The following PRIM2 variants were observed in gnomAD, a reference collection of about 807,000 sequenced individuals.
PRIM2 encodes DNA primase large subunit.
PRIM2 carries 39 observed loss-of-function variants against 67.3 expected under a neutral mutation model. That is an observed-to-expected ratio of 0.58 (90% CI 0.45 to 0.76). The LOEUF (loss-of-function observed/expected upper bound fraction) is 0.76, where lower values mean the gene tolerates loss of function less well. PRIM2 is among the 30% of genes least tolerant of loss of function. PRIM2 has a pLI of 0.00. For synonymous variants in PRIM2, 143 were observed against 198.7 expected (o/e 0.72, Z 2.36); for missense variants, 398 against 598.7 (o/e 0.66, Z 3.50).
At chr6:57,419,741 G>A (rs1265385064) in intron 7 of PRIM2, among the ~76,000 whole-genome samples, 7 of 151,870 alleles carry the variant, frequency 4.6e-5, no homozygotes, top group South Asian at 2.1e-4. Flanking sequence ...TTTAACCCTC[G>A]GTTTTTGAAT....
intron 8 of PRIM2, among the ~76,000 whole-genome samples, chr6:57,519,353 G>A (rs1774559641): frequency 1.3e-5 from 2 of 152,204 alleles, no homozygotes; most frequent in Admixed American, 1.3e-4. Flanking sequence ...ATGGGAGACT[G>A]GGGTCTATTT....
chr6:57,466,925 A>G (rs1350018462), intron 7 of PRIM2, among the ~76,000 whole-genome samples: 3 of 152,078 alleles, frequency 2.0e-5, no homozygotes, highest in African/African-American at 4.8e-5. Flanking sequence ...TTAAGAGACC[A>G]GCCTGACCAA....
At chr6:57,392,843 G>GC (rs1770399622) in intron 7 of PRIM2, among the ~76,000 whole-genome samples, 1 of 151,886 alleles carries the variant, frequency 6.6e-6, no homozygotes, top group Non-Finnish European at 1.5e-5. Flanking sequence ...TCATTCTTAT[G>GC]CCTTACATCC....
intron 8 of PRIM2, among the ~76,000 whole-genome samples, chr6:57,510,335 T>C (rs1459534632): frequency 2.6e-5 from 4 of 152,174 alleles, no homozygotes; most frequent in Non-Finnish European, 4.4e-5. Flanking sequence ...AATCATACTG[T>C]CAAAATTTTT....
intron 7 of PRIM2, among the ~76,000 whole-genome samples, chr6:57,504,886 GA>G (rs1396694964): frequency 2.6e-5 from 4 of 152,154 alleles, no homozygotes; most frequent in Admixed American, 2.6e-4. Context: ...GCAGGAATTT[GA>G]AAAGCTTTAT....
At chr6:57,466,183 G>A (rs1376528932) in intron 7 of PRIM2, among the ~76,000 whole-genome samples, 1 of 152,096 alleles carries the variant, frequency 6.6e-6, no homozygotes, top group African/African-American at 2.4e-5. Flanking sequence ...ACTATTCCAT[G>A]GTGTATATGT....
intron 10 of PRIM2, among the ~76,000 whole-genome samples, chr6:57,592,999 G>T (rs1776307959): frequency 6.6e-6 from 1 of 152,168 alleles, no homozygotes; most frequent in Non-Finnish European, 1.5e-5. Context: ...AGACAAAGTT[G>T]TGAAAGAGGC....
intron 5 of PRIM2, among the ~76,000 whole-genome samples, chr6:57,375,929 A>G (rs1333930115): frequency 6.6e-6 from 1 of 152,032 alleles, no homozygotes; most frequent in Non-Finnish European, 1.5e-5. Flanking sequence ...AAAAATGGCC[A>G]GGCATGGTGG....
intron 7 of PRIM2, among the ~76,000 whole-genome samples, chr6:57,420,770 G>A (rs1771437175): frequency 6.6e-6 from 1 of 152,202 alleles, no homozygotes; most frequent in Non-Finnish European, 1.5e-5. Context: ...AAATAACTAT[G>A]TTGATAGTAG....
chr6:57,310,019 G>C (rs1233204182), upstream of PRIM2, among the ~76,000 whole-genome samples: 3 of 151,804 alleles, frequency 2.0e-5, no homozygotes, highest in Non-Finnish European at 2.9e-5. Flanking sequence ...CTACAAAATG[G>C]GAGAAAATTT....
chr6:57,513,511 G>T (rs1554347906), intron 8 of PRIM2, among the ~76,000 whole-genome samples: 1 of 151,782 alleles, frequency 6.6e-6, no homozygotes, highest in East Asian at 1.9e-4. Flanking sequence ...TAAAAATAAC[G>T]CCTACAGTGT....
At chr6:57,539,290 C>T (rs1414387117) in intron 10 of PRIM2, among the ~76,000 whole-genome samples, 4 of 152,108 alleles carry the variant, frequency 2.6e-5, no homozygotes, top group Non-Finnish European at 5.9e-5. Context: ...TTACTCTAGT[C>T]TACAGAACTA....
chr6:57,267,695 G>A, the PRIM2 span, among the ~76,000 whole-genome samples: 45 of 151,286 alleles, frequency 3.0e-4, no homozygotes, highest in Non-Finnish European at 6.0e-4. Context: ...GATCACTTGA[G>A]GCCAGGAGTT....
chr6:57,612,996 G>C (rs1218001500), intron 12 of PRIM2, among the ~76,000 whole-genome samples: 1 of 151,894 alleles, frequency 6.6e-6, no homozygotes, highest in Non-Finnish European at 1.5e-5. Flanking sequence ...AGGTCTTGCT[G>C]TGTTGCCTAG....
At chr6:57,643,821 C>T (rs1406802345) in intron 13 of PRIM2, among the ~76,000 whole-genome samples, 5 of 152,194 alleles carry the variant, frequency 3.3e-5, no homozygotes, top group Non-Finnish European at 7.3e-5. Flanking sequence ...TAAAATCAGT[C>T]TGTATACTAT....
At chr6:57,638,079 G>A (rs1196324264) in intron 13 of PRIM2, among the ~76,000 whole-genome samples, 3 of 152,200 alleles carry the variant, frequency 2.0e-5, no homozygotes, top group Non-Finnish European at 4.4e-5. Flanking sequence ...AGCCAGAATA[G>A]AGTGGGAGCC....
At chr6:57,300,730 C>A in the PRIM2 span, among the ~76,000 whole-genome samples, 1 of 152,160 alleles carries the variant, frequency 6.6e-6, no homozygotes, top group African/African-American at 2.4e-5. Context: ...CCTTTAGAAA[C>A]AACAGTCCCC....
chr6:57,469,730 T>C (rs1347265007), intron 7 of PRIM2, among the ~76,000 whole-genome samples: 1 of 152,160 alleles, frequency 6.6e-6, no homozygotes, highest in African/African-American at 2.4e-5. Context: ...AGTTTTCTCA[T>C]ACATGTAGCT....
At chr6:57,327,339 C>T (rs1017706690) in intron 5 of PRIM2, among the ~76,000 whole-genome samples, 4 of 152,102 alleles carry the variant, frequency 2.6e-5, no homozygotes, top group South Asian at 2.1e-4. Flanking sequence ...GGCTTAAAGC[C>T]AAATAAAATA....
Sources: gnomAD v4.1 joint callset for allele counts (sites outside exome capture counted in the v4.1 genomes callset) on GRCh38, gnomAD v4.1.1 for gene constraint, MANE v1.5 for transcripts, NCBI Gene and HGNC (gene_info 2026-07-23, HGNC 2026-07-21) for gene names.